The following TBC1D1 variants were observed in gnomAD, a reference collection of about 807,000 sequenced individuals.
TBC1D1 encodes TBC1 domain family member 1, also known as TBC1 (tre-2/USP6, BUB2, cdc16) domain family, member 1.
In TBC1D1, 89 loss-of-function variants were observed where a neutral mutation model predicts 125.6. That is an observed-to-expected ratio of 0.71 (90% confidence interval 0.60 to 0.85). TBC1D1 has a LOEUF of 0.85. Ranked by LOEUF, TBC1D1 falls within the 40% of genes least tolerant of loss-of-function variation. The probability of loss-of-function intolerance (pLI) is 0.00; values close to 1 mark genes in which losing one functional copy is unlikely to be tolerated. For synonymous variants in TBC1D1, 565 were observed against 564.1 expected (o/e 1.00, Z -0.02); for missense variants, 1,377 against 1,469.2 (o/e 0.94, Z 1.03).
intron 2 of TBC1D1, among the ~76,000 whole-genome samples, chr4:37,950,142 C>T (rs1727531216): frequency 6.6e-6 from 1 of 152,192 alleles, no homozygotes; most frequent in African/African-American, 2.4e-5. Flanking sequence ...TACGATATTA[C>T]ACCAGGCTGA....
At chr4:37,998,929 G>A (rs898597014) in intron 2 of TBC1D1, among the ~76,000 whole-genome samples, 2 of 152,116 alleles carry the variant, frequency 1.3e-5, no homozygotes, top group South Asian at 2.1e-4. Context: ...CTTTCCCTAC[G>A]TCATATTAGG....
chr4:37,947,566 T>A (rs1054461214), intron 2 of TBC1D1, among the ~76,000 whole-genome samples: 1 of 152,126 alleles, frequency 6.6e-6, no homozygotes, highest in African/African-American at 2.4e-5. Context: ...GCTCAAGCAA[T>A]CCTCCTGTCC....
chr4:38,096,169 C>T (rs1759301967), intron 14 of TBC1D1, 79 bp downstream of exon 16: 2 of 1,282,714 alleles, frequency 1.6e-6, no homozygotes, highest in Non-Finnish European at 2.2e-6. Flanking sequence ...AAAAAAAAGT[C>T]AAGTCTAATT....
chr4:38,037,426 T>C (rs1464724049), intron 8 of TBC1D1, among the ~76,000 whole-genome samples: 1 of 152,054 alleles, frequency 6.6e-6, no homozygotes, highest in East Asian at 1.9e-4. Context: ...GAAGCTGCCC[T>C]AATCCCCTGA....
chr4:38,056,424 A>G (rs1189779155), intron 12 of TBC1D1, among the ~76,000 whole-genome samples: 1 of 152,204 alleles, frequency 6.6e-6, no homozygotes, highest in Non-Finnish European at 1.5e-5. Context: ...ATTGATCTTC[A>G]TAATCTGTTT....
At chr4:37,952,320 A>G (rs1728050405) in intron 2 of TBC1D1, 1 of 509,662 alleles carries the variant, frequency 2.0e-6, no homozygotes, top group Non-Finnish European at 3.6e-6. Context: ...AAGGGCTGAT[A>G]ATCTTGTGCT....
intron 3 of TBC1D1, among the ~76,000 whole-genome samples, chr4:38,016,901 G>C (rs935767578): frequency 6.6e-6 from 1 of 152,226 alleles, no homozygotes; most frequent in Non-Finnish European, 1.5e-5. Context: ...ACAGAGCCAG[G>C]ATACTTGGGG....
chr4:38,137,602 A>T lies in TBC1D1; in HGVS notation c.*267A>T, dbSNP rs1464627603. ...AGCTTTAGATGGCGTGGACGTGAAT[A>T]AATGCAACTTATGTTTTCTTGTTGG... is the stretch of plus-strand genomic sequence containing the variant. On this transcript the variant is annotated 3_prime_UTR_variant, in exon 20 of 20. Transcript: ENST00000261439. 1.3e-5 allele frequency: 5 copies of T among 384,390 alleles called. No homozygotes were observed. The highest frequency in any genetic ancestry group is 8.2e-5 in the African/African-American group (4 of 48,542). 23.8% of individuals were successfully genotyped at this position (384,390 alleles called of 1,614,324 possible). A position where few individuals can be genotyped will look rare whatever the true frequency, so the allele number is the denominator to read the frequency against.
At chr4:37,911,135 T>TC (rs1332420653) in intron 2 of TBC1D1, among the ~76,000 whole-genome samples, 1 of 74,864 alleles carries the variant, frequency 1.3e-5, no homozygotes, top group African/African-American at 5.0e-5. Context: ...CTCCTCCTTT[T>TC]TTTTTTTTTT....
intron 2 of TBC1D1, among the ~76,000 whole-genome samples, chr4:37,982,468 A>T (rs1734525157): frequency 6.6e-6 from 1 of 152,206 alleles, no homozygotes; most frequent in Admixed American, 6.5e-5. Flanking sequence ...GAATTTGAAA[A>T]ATGTGCTGCC....
At chr4:37,947,885 TAA>T (rs771795001) in intron 2 of TBC1D1, among the ~76,000 whole-genome samples, 1 of 143,742 alleles carries the variant, frequency 7.0e-6, no homozygotes. Flanking sequence ...CAGTTCATTG[TAA>T]AAAAAAAAAA....
chr4:37,911,131 C>CTTTTTTTTTTTTTTTTTTTTTTTT (rs71658745), intron 2 of TBC1D1, among the ~76,000 whole-genome samples: 1 of 94,888 alleles, frequency 1.1e-5, no homozygotes, highest in Non-Finnish European at 2.0e-5. Flanking sequence ...TCCCCTCCTC[C>CTTTTTTTTTTTTTTTTTTTTTTTT]TTTTTTTTTT....
intron 2 of TBC1D1, chr4:38,007,074 A>G: frequency 2.8e-6 from 1 of 353,260 alleles, no homozygotes. Context: ...GAGACGAGAC[A>G]TGCGCAGGGC....
At chr4:38,042,797 G>A (rs1401542290) in intron 8 of TBC1D1, among the ~76,000 whole-genome samples, 2 of 152,166 alleles carry the variant, frequency 1.3e-5, no homozygotes, top group East Asian at 3.8e-4. Context: ...AAAGCCAGGT[G>A]GTGATACAAA....
chr4:37,903,940 A>G (rs749899562), intron 2 of TBC1D1, among the ~76,000 whole-genome samples: 3 of 152,230 alleles, frequency 2.0e-5, no homozygotes, highest in African/African-American at 4.8e-5. Context: ...TCAAACTCTC[A>G]TATTATAAAT....
intron 14 of TBC1D1, among the ~76,000 whole-genome samples, chr4:38,097,340 G>GTTT (rs71658757): frequency 3.3e-5 from 4 of 122,116 alleles, no homozygotes; most frequent in African/African-American, 9.3e-5. Context: ...TTTTTTGTGG[G>GTTT]TTTTTTTTTT....
At chr4:37,912,815 G>A (rs930458577) in intron 2 of TBC1D1, among the ~76,000 whole-genome samples, 2 of 152,148 alleles carry the variant, frequency 1.3e-5, no homozygotes, top group Non-Finnish European at 2.9e-5. Flanking sequence ...CTTAATATTG[G>A]GCTTCCCAGC....
chr4:37,978,182 A>G (rs544566638), intron 2 of TBC1D1, among the ~76,000 whole-genome samples: 34 of 152,386 alleles, frequency 2.2e-4, no homozygotes, highest in Non-Finnish European at 4.4e-4. Context: ...ACAGGAAGGC[A>G]TAAGTGTAGA....
intron 10 of TBC1D1, among the ~76,000 whole-genome samples, chr4:38,048,265 T>C (rs1054589527): frequency 6.6e-6 from 1 of 152,182 alleles, no homozygotes; most frequent in Non-Finnish European, 1.5e-5. Flanking sequence ...GCCCTTTCAG[T>C]TGTCCAATTA....
Sources: allele counts gnomAD v4.1 joint callset (sites outside exome capture counted in the v4.1 genomes callset), GRCh38; gene constraint gnomAD v4.1.1; transcripts MANE v1.5; gene names NCBI Gene and HGNC (gene_info 2026-07-23, HGNC 2026-07-21).